The following CSMD1 variants were observed in gnomAD, a reference collection of about 807,000 sequenced individuals.
CSMD1 encodes the protein CUB and Sushi multiple domains 1, also known as CUB and sushi domain-containing protein 1.
A neutral mutation model predicts 417.5 loss-of-function variants in CSMD1; 213 were observed. That is an observed-to-expected ratio of 0.51 (90% CI 0.46 to 0.57). The LOEUF (loss-of-function observed/expected upper bound fraction) is 0.57. Among genes scored for constraint, CSMD1 ranks in the 20% least tolerant of loss-of-function variants. The pLI is 0.00. For missense variants in CSMD1, 6,923 were observed against 4,529.7 expected, an observed-to-expected ratio of 1.53 and a Z score of -15.17; for synonymous variants, 2,862 against 1,736.8, an observed-to-expected ratio of 1.65 and a Z score of -16.11.
intron 1 of CSMD1, among the ~76,000 whole-genome samples, chr8:4,711,850 G>C (rs1248912612): frequency 6.6e-6 from 1 of 152,130 alleles, no homozygotes; most frequent in Non-Finnish European, 1.5e-5. Flanking sequence ...TCATAATAAT[G>C]ATCTTTGTTA....
intron 25 of CSMD1, among the ~76,000 whole-genome samples, chr8:3,288,932 C>T (rs1180098866): frequency 1.4e-5 from 2 of 146,982 alleles, no homozygotes; most frequent in Admixed American, 6.7e-5. Flanking sequence ...CCCATTAACT[C>T]ATCATTTAAC....
intron 2 of CSMD1, among the ~76,000 whole-genome samples, chr8:4,555,072 G>A (rs1266834317): frequency 2.6e-5 from 4 of 152,204 alleles, no homozygotes; most frequent in African/African-American, 9.7e-5. Flanking sequence ...GTAGGCCATG[G>A]CAGGAATTTA....
At chr8:3,867,112 T>A (rs923110586) in intron 5 of CSMD1, among the ~76,000 whole-genome samples, 2 of 152,128 alleles carry the variant, frequency 1.3e-5, no homozygotes, top group African/African-American at 4.8e-5. Context: ...ATTGATTGAT[T>A]TTTTTTCTAC....
chr8:4,416,635 A>G (rs1796957006), intron 3 of CSMD1, among the ~76,000 whole-genome samples: 2 of 152,060 alleles, frequency 1.3e-5, no homozygotes, highest in South Asian at 2.1e-4. Flanking sequence ...AGAGAAAAAT[A>G]TATAAAGTAC....
intron 5 of CSMD1, among the ~76,000 whole-genome samples, chr8:3,875,797 G>A (rs1226277405): frequency 1.3e-5 from 2 of 152,150 alleles, no homozygotes; most frequent in African/African-American, 2.4e-5. Flanking sequence ...TAAAGGGAAG[G>A]TACAAAAACA....
chr8:3,651,279 A>T (rs1400610769), intron 7 of CSMD1, among the ~76,000 whole-genome samples: 1 of 152,082 alleles, frequency 6.6e-6, no homozygotes, highest in African/African-American at 2.4e-5. Context: ...ATTCCATTTC[A>T]CCTTGAGTAA....
intron 5 of CSMD1, among the ~76,000 whole-genome samples, chr8:3,906,745 C>T (rs1010227250): frequency 1.3e-5 from 2 of 151,568 alleles, no homozygotes; most frequent in African/African-American, 2.4e-5. Flanking sequence ...ATCTTTGATA[C>T]TGTAAATTCC....
intron 1 of CSMD1, among the ~76,000 whole-genome samples, chr8:4,854,273 G>T (rs1031246767): frequency 1.3e-5 from 2 of 152,182 alleles, no homozygotes; most frequent in Non-Finnish European, 2.9e-5. Context: ...AATCCCCAGT[G>T]TTGGAGACAG....
intron 49 of CSMD1, among the ~76,000 whole-genome samples, chr8:3,086,181 T>C (rs989408335): frequency 1.5e-4 from 23 of 150,874 alleles, no homozygotes; most frequent in Non-Finnish European, 1.9e-4. Context: ...AAAGAAAAAG[T>C]ATTCTTGTAA....
At chr8:4,747,717 G>C (rs763037835) in intron 1 of CSMD1, among the ~76,000 whole-genome samples, 21 of 152,194 alleles carry the variant, frequency 1.4e-4, no homozygotes, top group Middle Eastern at 3.4e-3. Context: ...CTGGTCTCTA[G>C]ATGAATGAGA....
At chr8:4,242,838 G>A (rs1199083565) in intron 3 of CSMD1, among the ~76,000 whole-genome samples, 1 of 152,176 alleles carries the variant, frequency 6.6e-6, no homozygotes, top group Non-Finnish European at 1.5e-5. Flanking sequence ...GACTATTAGT[G>A]AAGTCACTAG....
At chr8:3,257,425 A>C (rs995122023) in intron 26 of CSMD1, among the ~76,000 whole-genome samples, 1 of 152,238 alleles carries the variant, frequency 6.6e-6, no homozygotes, top group Non-Finnish European at 1.5e-5. Flanking sequence ...TGGAGGTTAG[A>C]TTCTCAAGGG....
At chr8:3,660,852 G>C (rs1358750494) in intron 7 of CSMD1, among the ~76,000 whole-genome samples, 2 of 152,110 alleles carry the variant, frequency 1.3e-5, no homozygotes, top group African/African-American at 4.8e-5. Context: ...GATTAGATCA[G>C]ATTTGGAATT....
intron 5 of CSMD1, among the ~76,000 whole-genome samples, chr8:3,971,811 C>G (rs1813108995): frequency 1.3e-5 from 2 of 152,178 alleles, no homozygotes; most frequent in African/African-American, 2.4e-5. Context: ...AACTTACTTT[C>G]TCTGTCTGTT....
At chr8:3,061,035 G>A (rs928021095) in intron 49 of CSMD1, among the ~76,000 whole-genome samples, 2 of 152,160 alleles carry the variant, frequency 1.3e-5, no homozygotes, top group African/African-American at 4.8e-5. Context: ...GATTTGTATA[G>A]TTATTTTATA....
intron 7 of CSMD1, among the ~76,000 whole-genome samples, chr8:3,633,032 G>C (rs1310286690): frequency 2.6e-5 from 4 of 152,210 alleles, no homozygotes; most frequent in African/African-American, 9.6e-5. Flanking sequence ...CCTACTAACT[G>C]ATACTTTTAG....
intron 1 of CSMD1, among the ~76,000 whole-genome samples, chr8:4,953,576 C>T (rs13273876): frequency 0.76 from 115,035 of 152,078 alleles, 43,829 homozygotes; most frequent in Admixed American, 0.82. Context: ...TGTTGAGAAA[C>T]GATTGTCAAC....
At chr8:4,202,282 G>C (rs549331256) in intron 3 of CSMD1, among the ~76,000 whole-genome samples, 2 of 151,964 alleles carry the variant, frequency 1.3e-5, no homozygotes, top group African/African-American at 4.8e-5. Flanking sequence ...TACTGATTAT[G>C]CTTTAAAAAA....
intron 11 of CSMD1, among the ~76,000 whole-genome samples, chr8:3,482,644 C>T (rs1817812816): frequency 6.6e-6 from 1 of 152,166 alleles, no homozygotes; most frequent in South Asian, 2.1e-4. Flanking sequence ...CAGGATCTAA[C>T]TGACGAATAT....
Sources: allele counts gnomAD v4.1 joint callset (sites outside exome capture counted in the v4.1 genomes callset), GRCh38; gene constraint gnomAD v4.1.1; transcripts MANE v1.5; gene names NCBI Gene and HGNC (gene_info 2026-07-23, HGNC 2026-07-21).